Variants in N4BP2 observed in about 807,000 individuals in gnomAD.
N4BP2 encodes the protein NEDD4-binding protein 2.
In N4BP2, 91 loss-of-function variants were observed where a neutral mutation model predicts 152.8. The observed-to-expected ratio is 0.60, with a 90% CI of 0.50 to 0.71. The LOEUF (loss-of-function observed/expected upper bound fraction) is 0.71, where lower values mean the gene tolerates loss of function less well. Ranked by LOEUF, N4BP2 falls within the 30% of genes least tolerant of loss-of-function variation. The pLI is 0.00. For missense variants in N4BP2, 1,923 were observed against 2,059.1 expected (o/e 0.93, Z 1.28); for synonymous variants, 646 against 705.3 (o/e 0.92, Z 1.33).
At chr4:40,173,718 G>T in the N4BP2 span, among the ~76,000 whole-genome samples, 29 of 152,312 alleles carry the variant, frequency 1.9e-4, no homozygotes, top group African/African-American at 7.0e-4. Flanking sequence ...GTCAAACTGT[G>T]TTCTCACTGC....
chr4:40,145,790 G>A (rs1720456996), intron 16 of N4BP2, among the ~76,000 whole-genome samples: 2 of 152,042 alleles, frequency 1.3e-5, no homozygotes, highest in Non-Finnish European at 2.9e-5. Flanking sequence ...GGAGTTTATT[G>A]TCTAGTGGGG....
the N4BP2 span, among the ~76,000 whole-genome samples, chr4:40,179,090 T>C: frequency 0.25 from 37,968 of 151,994 alleles, 5,204 homozygotes; most frequent in East Asian, 0.56. Context: ...TTTTGGAGGC[T>C]GGGCGCAGCA....
chr4:40,141,336 G>A (rs918991252), intron 14 of N4BP2, among the ~76,000 whole-genome samples: 12 of 151,872 alleles, frequency 7.9e-5, no homozygotes, highest in East Asian at 2.0e-4. Context: ...CAGACGGGGC[G>A]GCTTCCGGGC....
intron 1 of N4BP2, among the ~76,000 whole-genome samples, chr4:40,067,689 A>G (rs1352822183): frequency 2.0e-5 from 3 of 151,766 alleles, no homozygotes; most frequent in African/African-American, 7.3e-5. Flanking sequence ...CTTCACCAAC[A>G]TTTTTATTTT....
In N4BP2 at chr4:40,157,169, C is replaced by T. The variant is rs1302916148; in HGVS notation, c.*2932C>T. The T allele has an allele frequency of 4.6e-5, 7 of 151,864 alleles. No individual in the cohort carries two copies. The allele number at this position is 151,864 out of a possible 1,614,324, so 9.4% of individuals were successfully genotyped here. ...TTAGACACTTAACAGTATTTTCAGT[C>T]TGTCCATCTCTTTATTCCAATGTGA... On this transcript the variant is annotated 3_prime_UTR_variant, in exon 18 of 18. Coordinates refer to ENST00000261435, the MANE Select transcript of N4BP2 (RefSeq NM_018177.6).
intron 15 of N4BP2, among the ~76,000 whole-genome samples, chr4:40,144,096 C>T (rs1010936143): frequency 6.6e-6 from 1 of 152,012 alleles, no homozygotes; most frequent in Non-Finnish European, 1.5e-5. Flanking sequence ...GCAGGTTCCA[C>T]AGTCTAAAAG....
intron 2 of N4BP2, among the ~76,000 whole-genome samples, chr4:40,083,837 A>G (rs1578982201): frequency 2.6e-5 from 4 of 152,180 alleles, no homozygotes. Context: ...TACATATTAT[A>G]TTTTAATAAA....
downstream of N4BP2, among the ~76,000 whole-genome samples, chr4:40,162,282 A>T (rs56047604): frequency 0.083 from 12,581 of 152,210 alleles, 786 homozygotes; most frequent in East Asian, 0.29. Context: ...CAGGCAGATC[A>T]CTTGAGGTCA....
intron 14 of N4BP2, 119 bp from the exon 15 acceptor site, chr4:40,142,554 T>C: frequency 1.5e-6 from 1 of 653,426 alleles, no homozygotes; most frequent in Non-Finnish European, 2.7e-6. Context: ...ATCTATTTCC[T>C]GAGGAGAGAG....
At chr4:40,144,918 T>A in intron 16 of N4BP2, 118 bp downstream of exon 16, 1 of 705,814 alleles carries the variant, frequency 1.4e-6, no homozygotes, top group Non-Finnish European at 2.2e-6. Flanking sequence ...GTAACATCTG[T>A]AAATGTTTAT....
the N4BP2 span, among the ~76,000 whole-genome samples, chr4:40,165,786 A>G: frequency 1.3e-5 from 2 of 152,126 alleles, no homozygotes; most frequent in Non-Finnish European, 2.9e-5. Context: ...TCCTCAAAGA[A>G]CTTATAGGAA....
chr4:40,162,237 T>C (rs1469680111), downstream of N4BP2, among the ~76,000 whole-genome samples: 1 of 152,260 alleles, frequency 6.6e-6, no homozygotes, highest in African/African-American at 2.4e-5. Context: ...TGTGGTGGCT[T>C]ATGCCTGTAA....
downstream of N4BP2, among the ~76,000 whole-genome samples, chr4:40,159,908 C>G (rs1173394699): frequency 6.6e-6 from 1 of 151,876 alleles, no homozygotes; most frequent in African/African-American, 2.4e-5. Context: ...GATTCTCACT[C>G]TGTCACCCAG....
intron 12 of N4BP2, among the ~76,000 whole-genome samples, chr4:40,129,677 C>T (rs79164134): frequency 0.014 from 2,090 of 151,830 alleles, 30 homozygotes; most frequent in Middle Eastern, 0.048. Context: ...TGCAGTGTTG[C>T]CCAGGCTGGT....
intron 5 of N4BP2, among the ~76,000 whole-genome samples, chr4:40,110,822 G>A (rs1716805249): frequency 6.6e-6 from 1 of 152,132 alleles, no homozygotes; most frequent in Admixed American, 6.6e-5. Flanking sequence ...ATAGGTGTGA[G>A]GTACCGTGCC....
chr4:40,179,703 G>T, the N4BP2 span, among the ~76,000 whole-genome samples: 2 of 151,078 alleles, frequency 1.3e-5, no homozygotes, highest in Non-Finnish European at 2.9e-5. Context: ...TTGAAAGAAT[G>T]ATAAATCATG....
intron 1 of N4BP2, among the ~76,000 whole-genome samples, chr4:40,062,270 G>T (rs369485576): frequency 6.6e-6 from 1 of 151,608 alleles, no homozygotes; most frequent in East Asian, 1.9e-4. Context: ...AATAGAGATG[G>T]GGTTTCACCG....
At chr4:40,146,119 C>A (rs71608016) in intron 16 of N4BP2, among the ~76,000 whole-genome samples, 1 of 151,718 alleles carries the variant, frequency 6.6e-6, no homozygotes, top group South Asian at 2.1e-4. Flanking sequence ...GCCAAGATCA[C>A]GCCACTGCCC....
At position 40,156,848 on chromosome 4, in the gene N4BP2, G is replaced by A. The variant is rs1490105849; in HGVS notation, c.*2611G>A. 1 of 152,064 alleles carries A rather than the reference G, an allele frequency of 6.6e-6. No homozygotes were observed. The highest frequency in any genetic ancestry group is 6.6e-5 in the Admixed American group (1 of 15,260). The allele number at this position is 152,064 out of a possible 1,614,324, so 9.4% of individuals were successfully genotyped here. On this transcript the variant is annotated 3_prime_UTR_variant, in exon 18 of 18. Transcript: ENST00000261435. ...TTTGTAGGTTAGCGATACTCAACAA[G>A]TAAATATAATGCACATGTTCTAAAA... is the stretch of plus-strand genomic sequence containing the variant.
Sources: gnomAD v4.1 joint callset for allele counts (sites outside exome capture counted in the v4.1 genomes callset) on GRCh38, gnomAD v4.1.1 for gene constraint, MANE v1.5 for transcripts, NCBI Gene and HGNC (gene_info 2026-07-23, HGNC 2026-07-21) for gene names.